The following DNAH8 variants were observed in gnomAD, a reference collection of about 807,000 sequenced individuals.
The protein encoded by DNAH8 is dynein axonemal heavy chain 8, also known as axonemal beta dynein heavy chain 8.
A neutral mutation model predicts 562.1 loss-of-function variants in DNAH8; 382 were observed. The ratio of observed to expected loss-of-function variants is 0.68; its 90% CI spans 0.63 to 0.74. DNAH8 has a LOEUF of 0.74. Ranked by LOEUF, DNAH8 falls within the 30% of genes least tolerant of loss-of-function variation. DNAH8 has a pLI of 0.00. For missense variants in DNAH8, 5,203 were observed against 5,620.4 expected (o/e 0.93, Z 2.37); for synonymous variants, 1,881 against 1,919.4 (o/e 0.98, Z 0.52).
At chr6:38,938,765 C>T (rs750762170) in intron 78 of DNAH8, 33 bp from the exon 79 acceptor site, 8 of 1,516,278 alleles carry the variant, frequency 5.3e-6, no homozygotes, top group South Asian at 1.2e-5. Context: ...AGAAATTGCC[C>T]TTTGCTTCTT....
intron 21 of DNAH8, among the ~76,000 whole-genome samples, chr6:38,795,025 A>T (rs924849563): frequency 6.6e-6 from 1 of 152,324 alleles, no homozygotes; most frequent in African/African-American, 2.4e-5. Flanking sequence ...ATTACATTTG[A>T]TTGAAATATC....
intron 21 of DNAH8, among the ~76,000 whole-genome samples, chr6:38,794,036 C>G (rs1384850136): frequency 6.6e-6 from 1 of 152,144 alleles, no homozygotes; most frequent in Non-Finnish European, 1.5e-5. Context: ...GTTGGGACAA[C>G]TTTATGTTGG....
At chr6:38,904,665 G>T (rs1199352154) in intron 62 of DNAH8, among the ~76,000 whole-genome samples, 1 of 151,748 alleles carries the variant, frequency 6.6e-6, no homozygotes, top group Non-Finnish European at 1.5e-5. Context: ...AGTGACAGGC[G>T]CCTGTAATCC....
intron 3 of DNAH8, 131 bp downstream of exon 3, chr6:38,723,602 C>G: frequency 8.3e-7 from 1 of 1,199,056 alleles, no homozygotes; most frequent in Non-Finnish European, 1.2e-6. Flanking sequence ...GGGCAGGGCA[C>G]AGTGGCTCAT....
At chr6:38,907,883 A>G (rs1364583662) in intron 63 of DNAH8, 73 bp from the exon 64 acceptor site, 6 of 1,242,876 alleles carry the variant, frequency 4.8e-6, no homozygotes, top group Non-Finnish European at 6.4e-6. Context: ...TAAAAAAGGG[A>G]CTGGACTTTG....
chr6:38,889,109 A>G lies in DNAH8; in HGVS notation c.8474-1543A>G, dbSNP rs543058326. Among the ~76,000 whole-genome samples the G allele has an allele frequency of 5.9e-5, 9 of 152,330 alleles. No homozygotes were observed. In the East Asian group the frequency reaches 1.7e-3, roughly 29 times the overall value. On this transcript the variant is annotated intron_variant, in intron 57 of 92. Coordinates refer to ENST00000327475, the MANE Select transcript of DNAH8 (RefSeq NM_001206927.2). ...TAGTGCAGCGTACACAATGGCAAAA[A>G]CGTGAAATAATCCAGATATTTATCA...
intron 32 of DNAH8, among the ~76,000 whole-genome samples, chr6:38,836,369 C>A (rs1260719360): frequency 6.6e-6 from 1 of 151,676 alleles, no homozygotes; most frequent in Non-Finnish European, 1.5e-5. Context: ...ATTGCTTGAA[C>A]CTGGGAGGCG....
At chr6:38,831,558 C>T (rs1336778214) in intron 30 of DNAH8, among the ~76,000 whole-genome samples, 1 of 152,024 alleles carries the variant, frequency 6.6e-6, no homozygotes, top group African/African-American at 2.4e-5. Context: ...CTACAGTCAC[C>T]ATTAAACTTG....
chr6:38,907,944 C>CA lies in DNAH8; in HGVS notation c.9349-11dup. 1 of 1,577,260 alleles carries CA rather than the reference C, an allele frequency of 6.3e-7. No homozygotes were observed. On this transcript the variant is annotated splice_polypyrimidine_tract_variant and intron_variant, in intron 63 of 92. Transcript: ENST00000327475. ...TTAAAACACAGAACACTTCCTTGTC[C>CA]ATTCCTTAAAGATCTCCAACTTGTT...
At chr6:38,971,472 A>ATTTTTT in intron 82 of DNAH8, 120 bp from the exon 83 acceptor site, 1 of 471,472 alleles carries the variant, frequency 2.1e-6, no homozygotes, top group Non-Finnish European at 3.4e-6. Flanking sequence ...AACAGCAAAG[A>ATTTTTT]TTTTTTTTTT....
Position 38,974,524 on chromosome 6 carries a change from G to A in DNAH8, c.12829G>A (p.Val4277Met), listed in dbSNP as rs1040033714. 2 of 1,612,808 alleles carry A rather than the reference G, an allele frequency of 1.2e-6. No homozygotes were observed. The highest frequency in any genetic ancestry group is 1.3e-5 in the African/African-American group (1 of 74,978). The change falls in exon 85 of 93, where the codon GTG becomes ATG. Residue 4277 changes from valine (V) to methionine (M), a missense_variant. Around this residue, in one of 6 missense-constraint regions of DNAH8, gnomAD observed 1,399 missense variants for 1,518.4 expected, o/e 0.92. Coordinates refer to ENST00000327475, the MANE Select transcript of DNAH8 (RefSeq NM_001206927.2). Reference sequence around the variant, plus strand: ...CACAGTAGCATTTTTACACTCCACTGTGCAGGTAACTGCAGAAAGCAGTTT... The same window carrying A: ...CACAGTAGCATTTTTACACTCCACTATGCAGGTAACTGCAGAAAGCAGTTT... ...LYTVAFLHST[V>M]QERRKFGPLG...
chr6:38,858,969 T>G (rs768234896), intron 42 of DNAH8, among the ~76,000 whole-genome samples: 1 of 152,164 alleles, frequency 6.6e-6, no homozygotes, highest in Non-Finnish European at 1.5e-5. Context: ...AACTTTACTT[T>G]ACATCCAGAG....
At chr6:38,887,536 T>C (rs1779022555) in intron 57 of DNAH8, among the ~76,000 whole-genome samples, 1 of 152,110 alleles carries the variant, frequency 6.6e-6, no homozygotes, top group South Asian at 2.1e-4. Flanking sequence ...AGAGACCCCA[T>C]TTCTACAAAA....
At chr6:38,934,447 G>A (rs1255611722) in intron 76 of DNAH8, among the ~76,000 whole-genome samples, 1 of 152,052 alleles carries the variant, frequency 6.6e-6, no homozygotes, top group Non-Finnish European at 1.5e-5. Context: ...TACAGATGAA[G>A]GCTGTGCCAT....
chr6:38,793,347 G>T (rs1769930268), intron 21 of DNAH8, among the ~76,000 whole-genome samples: 1 of 152,042 alleles, frequency 6.6e-6, no homozygotes, highest in Admixed American at 6.6e-5. Context: ...CCTGTTCTTG[G>T]TGTGTTCAAG....
chr6:38,755,559 C>T (rs770353063), intron 9 of DNAH8, among the ~76,000 whole-genome samples: 5 of 152,154 alleles, frequency 3.3e-5, no homozygotes, highest in Non-Finnish European at 5.9e-5. Context: ...TCTATTTTAG[C>T]TGGGCTTATG....
chr6:38,886,327 G>C (rs1230603966), intron 56 of DNAH8, among the ~76,000 whole-genome samples: 1 of 152,058 alleles, frequency 6.6e-6, no homozygotes, highest in East Asian at 1.9e-4. Context: ...CAGTGTTGGA[G>C]GATGCAGAGA....
chr6:38,863,686 A>G (rs1239806514), intron 44 of DNAH8, among the ~76,000 whole-genome samples, 187 bp from the exon 45 acceptor site: 1 of 152,232 alleles, frequency 6.6e-6, no homozygotes, highest in African/African-American at 2.4e-5. Context: ...TGTTTTGATG[A>G]AAATATACAA....
At chr6:39,022,849 C>A (rs1022193522) in intron 91 of DNAH8, among the ~76,000 whole-genome samples, 1 of 152,174 alleles carries the variant, frequency 6.6e-6, no homozygotes, top group Non-Finnish European at 1.5e-5. Flanking sequence ...GCTCCAGAAT[C>A]GGCAGATTAA....
Sources: allele counts gnomAD v4.1 joint callset (sites outside exome capture counted in the v4.1 genomes callset), GRCh38; gene constraint gnomAD v4.1.1; regional missense constraint gnomAD v4.1.1; transcripts MANE v1.5; gene names NCBI Gene and HGNC (gene_info 2026-07-23, HGNC 2026-07-21).